GAS7: variants seen among roughly 807,000 people sequenced by gnomAD.
GAS7 encodes growth arrest-specific protein 7.
Under a neutral mutation model 71.1 loss-of-function variants are expected in GAS7, and 28 were observed. The ratio of observed to expected loss-of-function variants is 0.39; its 90% CI spans 0.29 to 0.54. GAS7 has a LOEUF of 0.54. GAS7 is among the 20% of genes least tolerant of loss of function. GAS7 has a pLI of 0.62. For synonymous variants in GAS7, 258 were observed against 245.8 expected, an observed-to-expected ratio of 1.05 and a Z score of -0.46; for missense variants, 436 against 627.8, an observed-to-expected ratio of 0.69 and a Z score of 3.27.
intron 6 of GAS7, among the ~76,000 whole-genome samples, chr17:9,943,883 C>T (rs544748644): frequency 2.6e-4 from 40 of 152,230 alleles, no homozygotes; most frequent in South Asian, 2.5e-3. Flanking sequence ...GCAAAACTGA[C>T]GAAATAACAG....
intron 3 of GAS7, among the ~76,000 whole-genome samples, chr17:9,978,572 A>G (rs8081256): frequency 0.39 from 58,495 of 151,276 alleles, 13,231 homozygotes; most frequent in African/African-American, 0.64. Flanking sequence ...CAGCTACTTG[A>G]GAGGCTGAGG....
At chr17:9,922,728 G>T (rs1007801473) in intron 11 of GAS7, among the ~76,000 whole-genome samples, 4 of 152,246 alleles carry the variant, frequency 2.6e-5, no homozygotes, top group Admixed American at 2.0e-4. Context: ...AACATATAAA[G>T]ATTTTCTTTG....
At chr17:9,992,767 A>T (rs1443410107) in intron 2 of GAS7, among the ~76,000 whole-genome samples, 1 of 41,412 alleles carries the variant, frequency 2.4e-5, no homozygotes, top group Non-Finnish European at 4.6e-5. Flanking sequence ...CCCCAACCCC[A>T]CAACAGTCCC....
At chr17:10,074,024 G>T (rs181035709) in intron 1 of GAS7, among the ~76,000 whole-genome samples, 16 of 152,300 alleles carry the variant, frequency 1.1e-4, no homozygotes, top group Admixed American at 3.3e-4. Context: ...GCAGATGAAT[G>T]ACCCCAGCCC....
chr17:10,123,626 A>G (rs889958654), intron 1 of GAS7, among the ~76,000 whole-genome samples: 1 of 152,200 alleles, frequency 6.6e-6, no homozygotes, highest in Non-Finnish European at 1.5e-5. Context: ...ATCATCTCTC[A>G]GCACTTTTGG....
Position 9,919,687 on chromosome 17 carries a change from C to G in GAS7, c.1157G>C (p.Cys386Ser), listed in dbSNP as rs1189933712. Reference sequence around the variant, plus strand: ...CTGGGCCTGGTTGTAGAGATCCACACAGCGCATGAGGTCGTCTCCTGGAAA... The same window carrying G: ...CTGGGCCTGGTTGTAGAGATCCACAGAGCGCATGAGGTCGTCTCCTGGAAA... ...STQAGDDLMRCVDLYNQAQSK... is the reference protein window; with the variant it reads ...STQAGDDLMRSVDLYNQAQSK... The change falls in exon 12 of 14, where the codon TGT (cysteine) becomes TCT (serine). Residue 386 changes from cysteine to serine, a missense_variant. Transcript: ENST00000432992. This position sits in a 1 kb window ranked among gnomAD's most constrained non-coding sequence, Gnocchi z 5.0. 1 of 1,613,464 alleles carries G rather than the reference C, an allele frequency of 6.2e-7. No individual in the cohort carries two copies. Among genetic ancestry groups the G allele is most frequent in the Non-Finnish European group, 8.5e-7 (1 of 1,179,460 alleles).
Position 10,046,281 on chromosome 17 carries a change from A to G in GAS7, c.184-26384T>C, listed in dbSNP as rs554943458. On this transcript the variant is annotated intron_variant, in intron 1 of 13. Transcript: ENST00000432992. The stretch of plus-strand genomic sequence containing the variant: ...TGCAGGGGACTTCCCTGTAAGAAGC[A>G]TCTGACAGCTGCCCCAGGACACTGC... Among the ~76,000 whole-genome samples, 8 of 152,282 alleles carry G rather than the reference A, an allele frequency of 5.3e-5. No homozygotes were observed. In the South Asian group the frequency reaches 1.7e-3, roughly 32 times the overall value.
At chr17:10,048,567 C>T (rs1452403227) in intron 1 of GAS7, among the ~76,000 whole-genome samples, 1 of 152,274 alleles carries the variant, frequency 6.6e-6, no homozygotes, top group African/African-American at 2.4e-5. Flanking sequence ...TAAAGCTTCA[C>T]GGGGTACAGT....
chr17:10,083,716 C>A (rs1391116712), intron 1 of GAS7, among the ~76,000 whole-genome samples: 1 of 152,218 alleles, frequency 6.6e-6, no homozygotes, highest in Non-Finnish European at 1.5e-5. Context: ...GCAGGAAAGT[C>A]CCCCATGTGG....
intron 11 of GAS7, among the ~76,000 whole-genome samples, chr17:9,923,282 A>AT (rs1406751181): frequency 6.6e-6 from 1 of 151,992 alleles, no homozygotes; most frequent in Non-Finnish European, 1.5e-5. Context: ...CCTCTAGGTG[A>AT]TTAAAAAAAA....
intron 1 of GAS7, among the ~76,000 whole-genome samples, chr17:10,153,078 G>A (rs144577250): frequency 0.09 from 13,590 of 150,668 alleles, 875 homozygotes; most frequent in Non-Finnish European, 0.14. Context: ...GCATAGTGGC[G>A]GGCACCTGTA....
intron 1 of GAS7, among the ~76,000 whole-genome samples, chr17:10,058,165 T>TAAAAC (rs2073173098): frequency 6.6e-6 from 1 of 152,230 alleles, no homozygotes; most frequent in African/African-American, 2.4e-5. Context: ...TTCACTTGTT[T>TAAAAC]ATCTGCTGAC....
rs569930467 is a variant in GAS7, at chr17:9,913,452, G to C, written c.*3776C>G. ...TGTTATGGCTTGTATTTCCAAAAGG[G>C]ACTTTGGCTCAGCCCAGATTTTTCT... On this transcript the variant is annotated 3_prime_UTR_variant, in exon 14 of 14. Coordinates refer to ENST00000432992, the MANE Select transcript of GAS7 (RefSeq NM_201433.2). 4.7e-5 allele frequency: 11 copies of C among 232,688 alleles called. No individual in the cohort carries two copies. Among genetic ancestry groups the C allele is most frequent in the Non-Finnish European group, 7.7e-5 (9 of 117,474 alleles). 14.4% of individuals were successfully genotyped at this position (232,688 alleles called of 1,614,324 possible).
chr17:10,056,933 G>A (rs1218040898), intron 1 of GAS7, among the ~76,000 whole-genome samples: 1 of 151,950 alleles, frequency 6.6e-6, no homozygotes, highest in Admixed American at 6.5e-5. Context: ...GGGATTGCAG[G>A]CGCGCGCCAC....
intron 8 of GAS7, 137 bp downstream of exon 8, chr17:9,939,989 G>A (rs2068543743): frequency 9.8e-6 from 7 of 715,054 alleles, no homozygotes; most frequent in Non-Finnish European, 1.0e-5. Flanking sequence ...TGAGCCATGA[G>A]TGCCCACCTT....
rs184215689 is a variant in GAS7 at position 10,041,383 on chromosome 17, C to T, written c.184-21486G>A. Among the ~76,000 whole-genome samples, 222 of 152,174 alleles carry T rather than the reference C, an allele frequency of 1.5e-3. 2 individuals carry two copies. The highest frequency in any genetic ancestry group is 3.4e-3 in the Middle Eastern group (1 of 294). On this transcript the variant is annotated intron_variant, in intron 1 of 13. Coordinates refer to ENST00000432992, the MANE Select transcript of GAS7 (RefSeq NM_201433.2). Reference sequence around the variant, plus strand: ...CCACTTTGACATTGCATCACACAGACGAACAGATACAATCACAGACAACAA... The same window carrying T: ...CCACTTTGACATTGCATCACACAGATGAACAGATACAATCACAGACAACAA...
intron 1 of GAS7, among the ~76,000 whole-genome samples, chr17:10,033,345 CAGAG>C (rs1359432760): frequency 6.6e-6 from 1 of 152,142 alleles, no homozygotes; most frequent in Non-Finnish European, 1.5e-5. Flanking sequence ...GAGAGAGAGA[CAGAG>C]AGACTATCCT....
chr17:10,190,310 C>T (rs914089216), intron 1 of GAS7, among the ~76,000 whole-genome samples: 5 of 152,150 alleles, frequency 3.3e-5, no homozygotes, highest in Admixed American at 6.5e-5. Flanking sequence ...TCTGGCCGGG[C>T]GCAGTGGCTC....
intron 1 of GAS7, 84 bp downstream of exon 1, chr17:10,198,124 G>A (rs1393781305): frequency 8.9e-6 from 12 of 1,342,146 alleles, no homozygotes; most frequent in Admixed American, 3.7e-5. Flanking sequence ...GGGACGCTGC[G>A]GCATCCCCGG....
Sources: allele counts gnomAD v4.1 joint callset (sites outside exome capture counted in the v4.1 genomes callset), GRCh38; gene constraint gnomAD v4.1.1; non-coding constraint Gnocchi (gnomAD v3.1); transcripts MANE v1.5; gene names NCBI Gene and HGNC (gene_info 2026-07-23, HGNC 2026-07-21).